STK39: variants seen among roughly 807,000 people sequenced by gnomAD.
STK39 encodes serine/threonine kinase 39.
A neutral mutation model predicts 77.8 loss-of-function variants in STK39; 20 were observed. The ratio of observed to expected loss-of-function variants is 0.26; its 90% CI spans 0.18 to 0.37. The LOEUF (loss-of-function observed/expected upper bound fraction) is 0.37, where lower values mean the gene tolerates loss of function less well. STK39 is among the 10% of genes least tolerant of loss of function. STK39 has a pLI of 1.00. For synonymous variants in STK39, 246 were observed against 234.1 expected (o/e 1.05, Z -0.47); for missense variants, 479 against 656.5 (o/e 0.73, Z 2.95).
At chr2:168,025,383 G>A (rs1270252670) in intron 14 of STK39, among the ~76,000 whole-genome samples, 1 of 152,182 alleles carries the variant, frequency 6.6e-6, no homozygotes, top group Non-Finnish European at 1.5e-5. Flanking sequence ...GGCAGTAAAT[G>A]ATAGTGATGG....
chr2:168,038,518 TA>T (rs1685016831), intron 14 of STK39, among the ~76,000 whole-genome samples: 1 of 149,828 alleles, frequency 6.7e-6, no homozygotes, highest in East Asian at 1.9e-4. Flanking sequence ...TAGAGATAGG[TA>T]AAGATTTCTT....
chr2:168,202,489 C>A (rs2105677376), intron 1 of STK39, among the ~76,000 whole-genome samples: 1 of 152,182 alleles, frequency 6.6e-6, no homozygotes, highest in South Asian at 2.1e-4. Context: ...TCTTAAGTGG[C>A]AGAAGAAAGA....
chr2:168,069,170 A>G (rs1685875203), intron 12 of STK39, among the ~76,000 whole-genome samples: 1 of 152,186 alleles, frequency 6.6e-6, no homozygotes, highest in African/African-American at 2.4e-5. Context: ...CACCCGCCTC[A>G]GCCTCCAAGT....
At chr2:168,163,939 G>T in intron 3 of STK39, 59 bp from the exon 4 acceptor site, 1 of 1,572,000 alleles carries the variant, frequency 6.4e-7, no homozygotes, top group South Asian at 1.2e-5. Context: ...TTCAGAACAA[G>T]ACTCCATTAT....
At chr2:168,142,080 A>G (rs572267873) in intron 5 of STK39, among the ~76,000 whole-genome samples, 1 of 152,322 alleles carries the variant, frequency 6.6e-6, no homozygotes, top group East Asian at 1.9e-4. Flanking sequence ...ATATGTTTAA[A>G]CTGCTAAATA....
At chr2:168,134,246 A>C (rs2122080) in intron 8 of STK39, among the ~76,000 whole-genome samples, 71,052 of 152,058 alleles carry the variant, frequency 0.47, 16,571 homozygotes, top group East Asian at 0.5. Flanking sequence ...TGCAAGTAAC[A>C]ACATTCTCAG....
intron 8 of STK39, 125 bp downstream of exon 8, chr2:168,137,963 C>A (rs1354700107): frequency 1.5e-6 from 2 of 1,343,488 alleles, no homozygotes; most frequent in Non-Finnish European, 2.0e-6. Context: ...ATCTGGGGAC[C>A]ACAGCAGGGT....
chr2:168,214,975 G>A (rs1057511474), intron 1 of STK39, among the ~76,000 whole-genome samples: 1 of 152,142 alleles, frequency 6.6e-6, no homozygotes, highest in Non-Finnish European at 1.5e-5. Flanking sequence ...CTCTCTTCAT[G>A]TTAGTACATA....
chr2:168,202,175 C>T (rs1689627732), intron 1 of STK39, among the ~76,000 whole-genome samples: 1 of 152,206 alleles, frequency 6.6e-6, no homozygotes, highest in African/African-American at 2.4e-5. Flanking sequence ...CTCAGCCAAA[C>T]TTCCTAAACA....
intron 1 of STK39, among the ~76,000 whole-genome samples, chr2:168,200,649 C>G (rs1689589825): frequency 6.6e-6 from 1 of 151,468 alleles, no homozygotes; most frequent in Non-Finnish European, 1.5e-5. Flanking sequence ...TGTACTCCAG[C>G]CCGGAAAACA....
intron 14 of STK39, among the ~76,000 whole-genome samples, chr2:168,056,693 T>C (rs1161831896): frequency 1.3e-5 from 2 of 152,176 alleles, no homozygotes; most frequent in African/African-American, 2.4e-5. Flanking sequence ...GGCGTATATG[T>C]GTGTGTACAT....
intron 16 of STK39, among the ~76,000 whole-genome samples, chr2:167,997,476 C>T (rs1683876624): frequency 6.6e-6 from 1 of 152,188 alleles, no homozygotes; most frequent in African/African-American, 2.4e-5. Flanking sequence ...TCCAGTAATT[C>T]TCATAACCAT....
intron 14 of STK39, among the ~76,000 whole-genome samples, chr2:168,041,360 T>C (rs116060067): frequency 0.01 from 1,527 of 152,002 alleles, 33 homozygotes; most frequent in African/African-American, 0.035. Flanking sequence ...AAGCCATTGA[T>C]CACACCTACT....
chr2:168,120,699 CTTA>C (rs1687383363), intron 10 of STK39, among the ~76,000 whole-genome samples: 1 of 152,192 alleles, frequency 6.6e-6, no homozygotes, highest in Non-Finnish European at 1.5e-5. Flanking sequence ...ACCTGTGCCA[CTTA>C]TTATTTTGTC....
chr2:168,062,329 C>T (rs1199976219), intron 14 of STK39, among the ~76,000 whole-genome samples: 2 of 152,118 alleles, frequency 1.3e-5, no homozygotes, highest in Non-Finnish European at 2.9e-5. Flanking sequence ...GAAAGAAGTA[C>T]CTCGTTCGAA....
chr2:167,995,566 A>AG (rs1683816709), intron 16 of STK39, among the ~76,000 whole-genome samples: 1 of 152,180 alleles, frequency 6.6e-6, no homozygotes, highest in South Asian at 2.1e-4. Flanking sequence ...TAAGAATGTG[A>AG]GCACTGCCCA....
intron 1 of STK39, among the ~76,000 whole-genome samples, chr2:168,235,483 G>C (rs1690578004): frequency 2.6e-5 from 4 of 151,636 alleles, no homozygotes; most frequent in Non-Finnish European, 2.9e-5. Flanking sequence ...TAAGTTTTAG[G>C]GTACATGTGT....
At chr2:168,229,985 A>G (rs956451612) in intron 1 of STK39, among the ~76,000 whole-genome samples, 2 of 152,206 alleles carry the variant, frequency 1.3e-5, no homozygotes, top group African/African-American at 4.8e-5. Flanking sequence ...TGAAACCTAT[A>G]ATCAATGGCA....
intron 10 of STK39, among the ~76,000 whole-genome samples, chr2:168,123,040 C>T (rs1655008262): frequency 1.3e-5 from 2 of 152,142 alleles, no homozygotes; most frequent in South Asian, 4.1e-4. Context: ...ATACCATGTG[C>T]CTCTTAATAT....
Sources: gnomAD v4.1 joint callset for allele counts (sites outside exome capture counted in the v4.1 genomes callset) on GRCh38, gnomAD v4.1.1 for gene constraint, MANE v1.5 for transcripts, NCBI Gene and HGNC (gene_info 2026-07-23, HGNC 2026-07-21) for gene names.